Variants in KIF18A observed in about 807,000 individuals in gnomAD.
The protein encoded by KIF18A is kinesin family member 18A.
A neutral mutation model predicts 103.3 loss-of-function variants in KIF18A; 67 were observed. The ratio of observed to expected loss-of-function variants is 0.65; its 90% CI spans 0.53 to 0.79. The LOEUF is 0.79. Among genes scored for constraint, KIF18A ranks in the 30% least tolerant of loss-of-function variants. The probability of loss-of-function intolerance (pLI) is 0.00; values close to 1 mark genes in which losing one functional copy is unlikely to be tolerated. For synonymous variants in KIF18A, 367 were observed against 355.5 expected, an observed-to-expected ratio of 1.03 and a Z score of -0.36; for missense variants, 1,032 against 1,062.5, an observed-to-expected ratio of 0.97 and a Z score of 0.40.
At chr11:28,085,868 T>C (rs1244209752) in intron 6 of KIF18A, among the ~76,000 whole-genome samples, 1 of 152,144 alleles carries the variant, frequency 6.6e-6, no homozygotes, top group Admixed American at 6.5e-5. Context: ...CTATAAGAAC[T>C]TAAGCGCTAC....
intron 9 of KIF18A, among the ~76,000 whole-genome samples, chr11:28,079,500 T>G (rs565608962): frequency 6.6e-6 from 1 of 152,208 alleles, no homozygotes; most frequent in African/African-American, 2.4e-5. Context: ...GAATCAGGTC[T>G]GAAAGCCACT....
At chr11:28,073,103 C>G (rs986230242) in intron 10 of KIF18A, among the ~76,000 whole-genome samples, 2 of 152,048 alleles carry the variant, frequency 1.3e-5, no homozygotes, top group Non-Finnish European at 2.9e-5. Context: ...TTAATAATTC[C>G]TAACATGGCA....
At chr11:28,024,244 C>G (rs538758297) in intron 15 of KIF18A, among the ~76,000 whole-genome samples, 1 of 143,954 alleles carries the variant, frequency 6.9e-6, no homozygotes, top group African/African-American at 2.6e-5. Flanking sequence ...GACCAAGAAT[C>G]CTAATGTGAA....
In KIF18A at chr11:28,028,824, C is replaced by A. The variant is rs1160898109; in HGVS notation, c.2505-4974G>T. 4.6e-5 allele frequency among the ~76,000 whole-genome samples: 7 copies of A among 152,014 alleles called. No individual in the cohort carries two copies. In the East Asian group the frequency reaches 1.2e-3, roughly 25 times the overall value. On this transcript the variant is annotated intron_variant, in intron 15 of 16. Transcript: ENST00000263181. ...AAAAGAGAGAAGAATCAAATAGACA[C>A]AATAAAAAAAGATAAAGGGGATATC...
intron 13 of KIF18A, among the ~76,000 whole-genome samples, chr11:28,048,475 AAG>A (rs1412855934): frequency 6.6e-6 from 1 of 152,120 alleles, no homozygotes; most frequent in Non-Finnish European, 1.5e-5. Flanking sequence ...TTCAGTGAAA[AAG>A]AGGCTGGTTA....
intron 11 of KIF18A, among the ~76,000 whole-genome samples, chr11:28,063,516 C>G (rs1240932567): frequency 6.6e-6 from 1 of 152,004 alleles, no homozygotes; most frequent in East Asian, 1.9e-4. Flanking sequence ...TCCTAAGCCT[C>G]ATCTGTCTAG....
At chr11:28,058,662 C>CAAAAAAAAAAAAAAAAA (rs58273868) in intron 13 of KIF18A, among the ~76,000 whole-genome samples, 1 of 64,450 alleles carries the variant, frequency 1.6e-5, no homozygotes, top group East Asian at 7.6e-4. Flanking sequence ...ACCCTGTCAC[C>CAAAAAAAAAAAAAAAAA]AAAAAAAAAA....
At chr11:28,031,687 A>G (rs1471609123) in intron 15 of KIF18A, among the ~76,000 whole-genome samples, 1 of 151,942 alleles carries the variant, frequency 6.6e-6, no homozygotes, top group African/African-American at 2.4e-5. Flanking sequence ...TAAAAAAAAA[A>G]AACAACTCTC....
rs144218934 is a variant in KIF18A at position 28,024,788 on chromosome 11, A to G, written c.2505-938T>C. ...GGGGGGGGTTGGGTGGAAAAAGAAC[A>G]TCCTTCCACGCTGATTCAAACAACC... On this transcript the variant is annotated intron_variant, in intron 15 of 16. Coordinates refer to ENST00000263181, the MANE Select transcript of KIF18A (RefSeq NM_031217.4). Among the ~76,000 whole-genome samples the G allele has an allele frequency of 1.5e-3, 228 of 152,066 alleles. 1 individual carries two copies. The highest frequency in any genetic ancestry group is 0.011 in the South Asian group (52 of 4,828).
intron 13 of KIF18A, among the ~76,000 whole-genome samples, chr11:28,047,696 G>C (rs1292030649): frequency 6.6e-6 from 1 of 151,938 alleles, no homozygotes; most frequent in Non-Finnish European, 1.5e-5. Context: ...GTAATACAGA[G>C]TAATAACATA....
chr11:28,027,851 G>C (rs184068821), intron 15 of KIF18A, among the ~76,000 whole-genome samples: 2 of 151,912 alleles, frequency 1.3e-5, no homozygotes, highest in African/African-American at 4.8e-5. Context: ...CATTATATGA[G>C]GCCAGTATTA....
rs1230388813 is a variant in KIF18A at position 28,097,796 on chromosome 11, ACTT to A, written c.149_151del (p.Glu50del). The A allele has an allele frequency of 7.4e-6, 12 of 1,613,222 alleles. No homozygotes were observed. The highest frequency in any genetic ancestry group is 1.6e-4 in the Middle Eastern group (1 of 6,078). On this transcript the variant is annotated inframe_deletion, in exon 2 of 17. Transcript: ENST00000263181. ...AGTTTTCTTTCCATGGAAAAAACTG[ACTT>A]CTTCTTGTTTGGGATCAAAAACTAG...
At chr11:28,030,368 A>G (rs1432055150) in intron 15 of KIF18A, among the ~76,000 whole-genome samples, 5 of 151,988 alleles carry the variant, frequency 3.3e-5, no homozygotes, top group Non-Finnish European at 5.9e-5. Flanking sequence ...GCCCTCAGAA[A>G]TAATACCATA....
chr11:28,030,555 T>G (rs922274603), intron 15 of KIF18A, among the ~76,000 whole-genome samples: 2 of 152,172 alleles, frequency 1.3e-5, no homozygotes, highest in Non-Finnish European at 1.5e-5. Flanking sequence ...GACTTAAATG[T>G]TAGAGCTAAA....
chr11:28,100,331 A>G (rs910967575), intron 1 of KIF18A, among the ~76,000 whole-genome samples: 10 of 152,130 alleles, frequency 6.6e-5, no homozygotes, highest in African/African-American at 2.4e-4. Context: ...TTAAGCTTTA[A>G]AAACTTTCGG....
intron 13 of KIF18A, among the ~76,000 whole-genome samples, chr11:28,042,192 G>A (rs940417990): frequency 2.6e-5 from 4 of 151,814 alleles, no homozygotes; most frequent in Non-Finnish European, 4.4e-5. Context: ...GTAAGGATAA[G>A]TAGGAAACAG....
chr11:28,079,039 T>A (rs1851129145), intron 9 of KIF18A, among the ~76,000 whole-genome samples: 1 of 152,064 alleles, frequency 6.6e-6, no homozygotes, highest in Non-Finnish European at 1.5e-5. Flanking sequence ...ATCAAAGCTT[T>A]TATTGTTGGT....
At chr11:28,043,230 C>T (rs1463162824) in intron 13 of KIF18A, among the ~76,000 whole-genome samples, 1 of 151,938 alleles carries the variant, frequency 6.6e-6, no homozygotes, top group African/African-American at 2.4e-5. Flanking sequence ...TCACTGTTGG[C>T]TATATCACAC....
At chr11:28,071,918 A>G (rs1851021524) in intron 10 of KIF18A, among the ~76,000 whole-genome samples, 1 of 152,188 alleles carries the variant, frequency 6.6e-6, no homozygotes, top group Non-Finnish European at 1.5e-5. Context: ...CTTAGAAACC[A>G]GGGCATGTGG....
Sources: allele counts gnomAD v4.1 joint callset (sites outside exome capture counted in the v4.1 genomes callset), GRCh38; gene constraint gnomAD v4.1.1; transcripts MANE v1.5; gene names NCBI Gene and HGNC (gene_info 2026-07-23, HGNC 2026-07-21).